The following RBFOX1 variants were observed in gnomAD, a reference collection of about 807,000 sequenced individuals.
RBFOX1 encodes the protein RNA binding fox-1 homolog 1.
A neutral mutation model predicts 57.7 loss-of-function variants in RBFOX1; 8 were observed. That is an observed-to-expected ratio of 0.14 (90% CI 0.08 to 0.25). RBFOX1 has a LOEUF of 0.25. Ranked by LOEUF, RBFOX1 falls within the 10% of genes least tolerant of loss-of-function variation. RBFOX1 has a pLI of 1.00. For synonymous variants in RBFOX1, 326 were observed against 222.4 expected (o/e 1.47, Z -4.15); for missense variants, 611 against 548.5 (o/e 1.11, Z -1.14).
At chr16:6,665,406 G>C (rs903480016) in intron 3 of RBFOX1, among the ~76,000 whole-genome samples, 11 of 152,192 alleles carry the variant, frequency 7.2e-5, no homozygotes, top group Admixed American at 2.6e-4. Flanking sequence ...CTGAGGTCAA[G>C]AGTTGGAGAC....
intron 1 of RBFOX1, among the ~76,000 whole-genome samples, chr16:6,129,532 T>C (rs2096614328): frequency 6.6e-6 from 1 of 150,550 alleles, no homozygotes. Context: ...TGTGGGAGAG[T>C]ATCAAGTAGT....
chr16:5,357,061 G>C (rs4786680), intron 1 of RBFOX1, among the ~76,000 whole-genome samples: 1 of 152,006 alleles, frequency 6.6e-6, no homozygotes, highest in African/African-American at 2.4e-5. Flanking sequence ...GACACAGTTC[G>C]ACAGCAGTAG....
At chr16:5,583,214 T>C (rs1369982500) in intron 2 of RBFOX1, among the ~76,000 whole-genome samples, 1 of 152,218 alleles carries the variant, frequency 6.6e-6, no homozygotes. Flanking sequence ...CCATTCATGT[T>C]ATTTAACTGT....
At chr16:6,391,977 AG>A (rs759188466) in intron 2 of RBFOX1, among the ~76,000 whole-genome samples, 1 of 152,202 alleles carries the variant, frequency 6.6e-6, no homozygotes, top group African/African-American at 2.4e-5. Context: ...AGGCTGTAAA[AG>A]CTTTTGAAGA....
intron 1 of RBFOX1, among the ~76,000 whole-genome samples, chr16:5,450,974 G>T (rs148619859): frequency 2.4e-4 from 36 of 152,274 alleles, no homozygotes; most frequent in African/African-American, 7.9e-4. Context: ...GGCTGATCAC[G>T]GGCCATATCT....
At chr16:6,884,545 A>G (rs1190357673) in intron 3 of RBFOX1, among the ~76,000 whole-genome samples, 2 of 152,210 alleles carry the variant, frequency 1.3e-5, no homozygotes, top group Admixed American at 6.5e-5. Flanking sequence ...CATCTGTTAC[A>G]TTATCATAAG....
intron 4 of RBFOX1, among the ~76,000 whole-genome samples, chr16:7,236,385 C>T (rs1008718959): frequency 7.2e-5 from 11 of 152,106 alleles, no homozygotes; most frequent in East Asian, 5.8e-4. Flanking sequence ...TCTAGAGGGG[C>T]GTACCCTCTT....
At chr16:6,578,884 G>T (rs1282787851) in intron 2 of RBFOX1, among the ~76,000 whole-genome samples, 1 of 151,898 alleles carries the variant, frequency 6.6e-6, no homozygotes, top group Non-Finnish European at 1.5e-5. Context: ...TGGGGACTTG[G>T]GGGAAAGGGT....
intron 3 of RBFOX1, among the ~76,000 whole-genome samples, chr16:5,842,255 C>T (rs1005036843): frequency 3.3e-5 from 5 of 152,026 alleles, no homozygotes; most frequent in Admixed American, 1.3e-4. Context: ...TAGTGAGATG[C>T]AGGAGATCAT....
chr16:7,359,264 G>A (rs140390339), intron 4 of RBFOX1, among the ~76,000 whole-genome samples: 1 of 152,240 alleles, frequency 6.6e-6, no homozygotes, highest in African/African-American at 2.4e-5. Context: ...ACTATCATAG[G>A]ATATGTAAAA....
intron 4 of RBFOX1, among the ~76,000 whole-genome samples, chr16:7,433,544 G>A (rs1041052888): frequency 1.3e-5 from 2 of 152,232 alleles, no homozygotes; most frequent in African/African-American, 4.8e-5. Flanking sequence ...AGACTGCATG[G>A]AGGAGGAGGC....
intron 2 of RBFOX1, among the ~76,000 whole-genome samples, chr16:6,470,171 A>G (rs973688667): frequency 2.0e-5 from 3 of 152,196 alleles, no homozygotes; most frequent in African/African-American, 7.2e-5. Context: ...AAATTCCTGC[A>G]TCCAGGTAGG....
At chr16:6,820,135 C>T (rs1188475464) in intron 3 of RBFOX1, among the ~76,000 whole-genome samples, 1 of 152,134 alleles carries the variant, frequency 6.6e-6, no homozygotes, top group Non-Finnish European at 1.5e-5. Flanking sequence ...ATAAAGGACA[C>T]ACTGTCTCTT....
At chr16:7,248,294 C>G (rs1567883375) in intron 4 of RBFOX1, among the ~76,000 whole-genome samples, 1 of 152,158 alleles carries the variant, frequency 6.6e-6, no homozygotes, top group African/African-American at 2.4e-5. Flanking sequence ...CCTTTCCTAC[C>G]TACTGCTCAC....
chr16:6,515,260 T>G (rs115875720), intron 2 of RBFOX1, among the ~76,000 whole-genome samples: 110 of 152,348 alleles, frequency 7.2e-4, no homozygotes, highest in African/African-American at 2.5e-3. Flanking sequence ...GGCTTACTTT[T>G]CTGTATTCTT....
intron 3 of RBFOX1, among the ~76,000 whole-genome samples, chr16:6,734,152 T>C (rs1005713325): frequency 6.6e-6 from 1 of 152,192 alleles, no homozygotes; most frequent in African/African-American, 2.4e-5. Context: ...TCAACAGGTT[T>C]ATTTGACGTT....
At chr16:7,382,480 G>C (rs75549426) in intron 4 of RBFOX1, among the ~76,000 whole-genome samples, 2 of 152,146 alleles carry the variant, frequency 1.3e-5, no homozygotes, top group Non-Finnish European at 2.9e-5. Flanking sequence ...TTGGTTTCTT[G>C]TTAGCGCTTA....
intron 1 of RBFOX1, among the ~76,000 whole-genome samples, chr16:5,339,472 T>G (rs868491219): frequency 1.1e-4 from 6 of 55,830 alleles, no homozygotes; most frequent in African/African-American, 4.5e-4. Context: ...TTTTCCGTGT[T>G]TTTTTTTTTT....
At chr16:6,955,689 G>GTATTTATTTATTTATTTATTTATTTATT (rs58578302) in intron 3 of RBFOX1, among the ~76,000 whole-genome samples, 16 of 118,720 alleles carry the variant, frequency 1.3e-4, no homozygotes, top group African/African-American at 4.5e-4. Context: ...AGGTATGTAT[G>GTATTTATTTATTTATTTATTTATTTATT]TATTTATTTA....
Sources: allele counts gnomAD v4.1 joint callset (sites outside exome capture counted in the v4.1 genomes callset), GRCh38; gene constraint gnomAD v4.1.1; transcripts MANE v1.5; gene names NCBI Gene and HGNC (gene_info 2026-07-23, HGNC 2026-07-21).